The following MYO16 variants were observed in gnomAD, a reference collection of about 807,000 sequenced individuals.
MYO16 encodes myosin XVI, also known as unconventional myosin-XVI.
In MYO16, 94 loss-of-function variants were observed where a neutral mutation model predicts 205.3. The ratio of observed to expected loss-of-function variants is 0.46; its 90% confidence interval spans 0.39 to 0.54. The LOEUF (loss-of-function observed/expected upper bound fraction) is 0.54, where lower values mean the gene tolerates loss of function less well. Among genes scored for constraint, MYO16 ranks in the 20% least tolerant of loss-of-function variants. The probability of loss-of-function intolerance (pLI) is 0.00; values close to 1 mark genes in which losing one functional copy is unlikely to be tolerated. For synonymous variants in MYO16, 988 were observed against 954.0 expected (o/e 1.04, Z -0.66); for missense variants, 2,315 against 2,387.5 (o/e 0.97, Z 0.63).
At chr13:108,968,830 G>A (rs1361840893) in intron 20 of MYO16, among the ~76,000 whole-genome samples, 1 of 152,118 alleles carries the variant, frequency 6.6e-6, no homozygotes, top group Non-Finnish European at 1.5e-5. Context: ...GAGGAGCAGA[G>A]GCCATGACGT....
intron 34 of MYO16, 88 bp from the exon 35 acceptor site, chr13:109,206,521 C>G: frequency 3.0e-6 from 3 of 986,588 alleles, no homozygotes; most frequent in Non-Finnish European, 4.7e-6. Flanking sequence ...CAGTCCTGCC[C>G]CTTTGTATCC....
At chr13:108,918,252 T>G (rs1881587201) in intron 16 of MYO16, among the ~76,000 whole-genome samples, 1 of 152,208 alleles carries the variant, frequency 6.6e-6, no homozygotes, top group African/African-American at 2.4e-5. Flanking sequence ...AAGCCAAATA[T>G]AAATATACCA....
the MYO16 span, among the ~76,000 whole-genome samples, chr13:108,531,897 A>G: frequency 2.0e-5 from 3 of 152,154 alleles, no homozygotes; most frequent in Non-Finnish European, 4.4e-5. Flanking sequence ...GGGATATGTA[A>G]AAGAGTATGA....
Position 109,140,544 on chromosome 13 carries a change from C to A in MYO16, c.4332C>A (p.Pro1444=). 3 of 1,546,986 alleles carry A rather than the reference C, an allele frequency of 1.9e-6. No individual in the cohort carries two copies. The highest frequency in any genetic ancestry group is 1.4e-5 in the African/African-American group (1 of 71,948). Residue 1444 remains proline (P), a synonymous_variant, in exon 32 of 35, where the codon CCC becomes CCA. Coordinates refer to ENST00000457511, the MANE Select transcript of MYO16 (RefSeq NM_001198950.3). This position sits in a 1 kb window ranked among gnomAD's most constrained non-coding sequence, Gnocchi z 8.0. ...YIEMLGHAAR[P]DSPDPGESVY... is the part of the protein sequence containing the mutation. ...AGATGCTGGGGCACGCGGCCAGGCC[C>A]GATAGCCCGGACCCCGGGGAGTCCG...
chr13:108,607,833 C>G (rs940241823), intron 1 of MYO16, among the ~76,000 whole-genome samples: 3 of 152,150 alleles, frequency 2.0e-5, no homozygotes, highest in African/African-American at 7.2e-5. Context: ...GCTACGTGCC[C>G]TGTCACCCTC....
At chr13:109,088,046 C>A (rs1026958877) in intron 27 of MYO16, among the ~76,000 whole-genome samples, 1 of 152,196 alleles carries the variant, frequency 6.6e-6, no homozygotes, top group African/African-American at 2.4e-5. Context: ...ACAGGCTGGG[C>A]TCAGTGTCCT....
At chr13:108,808,314 T>G (rs2138985928) in intron 7 of MYO16, among the ~76,000 whole-genome samples, 1 of 148,430 alleles carries the variant, frequency 6.7e-6, no homozygotes, top group South Asian at 2.2e-4. Context: ...TTTTTTTTAA[T>G]GAACCTTCTT....
the MYO16 span, among the ~76,000 whole-genome samples, chr13:108,544,478 G>A: frequency 2.0e-5 from 3 of 152,172 alleles, no homozygotes; most frequent in African/African-American, 4.8e-5. Context: ...TAATCACACC[G>A]TGGAAGTGGG....
intron 1 of MYO16, among the ~76,000 whole-genome samples, chr13:108,656,699 C>G (rs1881260743): frequency 6.6e-6 from 1 of 152,118 alleles, no homozygotes; most frequent in Non-Finnish European, 1.5e-5. Flanking sequence ...TATTTTATTT[C>G]CTTCTGTTGA....
chr13:108,786,906 C>G (rs1342735314), intron 5 of MYO16, among the ~76,000 whole-genome samples: 1 of 152,202 alleles, frequency 6.6e-6, no homozygotes, highest in South Asian at 2.1e-4. Flanking sequence ...TTCTCCAAGT[C>G]TTGTTAGCTG....
At chr13:108,866,368 A>G in intron 12 of MYO16, 126 bp downstream of exon 12, 1 of 533,682 alleles carries the variant, frequency 1.9e-6, no homozygotes, top group Non-Finnish European at 3.2e-6. Flanking sequence ...TCTGAATTGA[A>G]TGATTGTGTA....
At chr13:108,723,344 A>G (rs188585564) in intron 3 of MYO16, among the ~76,000 whole-genome samples, 88 of 152,180 alleles carry the variant, frequency 5.8e-4, no homozygotes, top group African/African-American at 1.9e-3. Flanking sequence ...TGAAGGGTAG[A>G]GGATTTTTGT....
rs764195178 is a variant in MYO16 at position 109,067,954 on chromosome 13, C to T, written c.3335+12359C>T. On this transcript the variant is annotated intron_variant, in intron 27 of 34. Transcript: ENST00000457511. Reference sequence around the variant, plus strand: ...CTTTAATAACTTCCTAACAACCTAACGACCTCTGAAACAAATACGCAAAGC... The same window carrying T: ...CTTTAATAACTTCCTAACAACCTAATGACCTCTGAAACAAATACGCAAAGC... Among the ~76,000 whole-genome samples, 85 of 152,268 alleles carry T rather than the reference C, an allele frequency of 5.6e-4. 2 individuals are homozygous for T. Among genetic ancestry groups the T allele is most frequent in the Non-Finnish European group, 6.6e-4 (45 of 68,022 alleles).
intron 32 of MYO16, among the ~76,000 whole-genome samples, chr13:109,146,835 G>GAA (rs1208196776): frequency 1.4e-5 from 2 of 146,824 alleles, no homozygotes; most frequent in Non-Finnish European, 3.0e-5. Flanking sequence ...AAGAGAGAAA[G>GAA]AGAAAAAGAG....
intron 2 of MYO16, among the ~76,000 whole-genome samples, chr13:108,689,248 A>G (rs929483397): frequency 1.7e-4 from 26 of 152,134 alleles, no homozygotes; most frequent in African/African-American, 6.0e-4. Context: ...TGTATTTTGA[A>G]TTTTCCAATT....
At chr13:108,682,671 G>A (rs979197072) in intron 2 of MYO16, among the ~76,000 whole-genome samples, 2 of 152,130 alleles carry the variant, frequency 1.3e-5, no homozygotes, top group African/African-American at 4.8e-5. Flanking sequence ...ATCCTGGTCT[G>A]GCCTGGGCAG....
chr13:109,176,065 A>T (rs1879159176), intron 33 of MYO16, among the ~76,000 whole-genome samples: 1 of 152,186 alleles, frequency 6.6e-6, no homozygotes. Flanking sequence ...ATAAAAATGG[A>T]TAAAATTGAC....
At chr13:109,056,806 A>G (rs1887432017) in intron 27 of MYO16, among the ~76,000 whole-genome samples, 1 of 152,162 alleles carries the variant, frequency 6.6e-6, no homozygotes, top group Non-Finnish European at 1.5e-5. Context: ...GGTGGGCAAA[A>G]AGGAAATCAG....
chr13:108,679,166 G>C (rs1250727951), intron 2 of MYO16, among the ~76,000 whole-genome samples: 3 of 152,084 alleles, frequency 2.0e-5, no homozygotes, highest in Admixed American at 2.0e-4. Flanking sequence ...CTGCCTTGGG[G>C]TCTTTGTACT....
Sources: allele counts gnomAD v4.1 joint callset (sites outside exome capture counted in the v4.1 genomes callset), GRCh38; gene constraint gnomAD v4.1.1; non-coding constraint Gnocchi (gnomAD v3.1); transcripts MANE v1.5; gene names NCBI Gene and HGNC (gene_info 2026-07-23, HGNC 2026-07-21).